The following JAK1 variants were observed in gnomAD, a reference collection of about 807,000 sequenced individuals.
The protein encoded by JAK1 is tyrosine-protein kinase JAK1.
A neutral mutation model predicts 136.6 loss-of-function variants in JAK1; 16 were observed. The ratio of observed to expected loss-of-function variants is 0.12; its 90% CI spans 0.08 to 0.18. JAK1 has a LOEUF of 0.18. Ranked by LOEUF, JAK1 falls within the 10% of genes least tolerant of loss-of-function variation. The pLI, the probability that JAK1 is intolerant of heterozygous loss-of-function variation, is 1.00. For synonymous variants in JAK1, 492 were observed against 519.5 expected, an observed-to-expected ratio of 0.95 and a Z score of 0.72; for missense variants, 859 against 1,450.1, an observed-to-expected ratio of 0.59 and a Z score of 6.62.
chr1:64,916,895 G>A (rs1645406959), intron 1 of JAK1, among the ~76,000 whole-genome samples: 1 of 151,246 alleles, frequency 6.6e-6, no homozygotes, highest in Non-Finnish European at 1.5e-5. Context: ...TTTGAAAATA[G>A]GAGAAAAGAG....
intron 2 of JAK1, among the ~76,000 whole-genome samples, chr1:64,983,444 C>T (rs1449476677): frequency 6.6e-6 from 1 of 152,184 alleles, no homozygotes; most frequent in East Asian, 1.9e-4. Flanking sequence ...CTACAAATTC[C>T]AAGTCAGCTA....
chr1:65,012,873 C>A (rs1376412651), intron 2 of JAK1, among the ~76,000 whole-genome samples: 1 of 151,022 alleles, frequency 6.6e-6, no homozygotes, highest in Non-Finnish European at 1.5e-5. Flanking sequence ...GCAGGCGGAT[C>A]ACGAGGTCAG....
At chr1:64,957,876 A>G (rs567562184) in intron 1 of JAK1, among the ~76,000 whole-genome samples, 1 of 152,256 alleles carries the variant, frequency 6.6e-6, no homozygotes, top group South Asian at 2.1e-4. Context: ...CCCGGGAGGC[A>G]GAGGTTGCAG....
intron 2 of JAK1, among the ~76,000 whole-genome samples, chr1:65,006,580 T>C (rs1646805710): frequency 6.6e-6 from 1 of 152,150 alleles, no homozygotes; most frequent in Non-Finnish European, 1.5e-5. Context: ...TGGCCTCAAA[T>C]AATCCTCCTG....
chr1:64,874,535 G>T (rs1657278334), intron 4 of JAK1, among the ~76,000 whole-genome samples: 2 of 152,016 alleles, frequency 1.3e-5, no homozygotes, highest in Admixed American at 6.6e-5. Flanking sequence ...TGCACAGGGG[G>T]TTGGTGCCCC....
chr1:64,947,743 C>T (rs1370887641), intron 1 of JAK1, among the ~76,000 whole-genome samples: 1 of 151,834 alleles, frequency 6.6e-6, no homozygotes, highest in Non-Finnish European at 1.5e-5. Context: ...ACTTTATCTG[C>T]AGTATCATAT....
chr1:64,843,352 A>G (rs778497680), intron 17 of JAK1, among the ~76,000 whole-genome samples: 2 of 152,138 alleles, frequency 1.3e-5, no homozygotes, highest in Non-Finnish European at 2.9e-5. Context: ...ATGGTCTTTC[A>G]TTGTGATTTT....
At chr1:65,011,656 A>G (rs1646850017) in intron 2 of JAK1, among the ~76,000 whole-genome samples, 1 of 152,184 alleles carries the variant, frequency 6.6e-6, no homozygotes, top group Non-Finnish European at 1.5e-5. Flanking sequence ...ATAAGGAGAC[A>G]TATTTTTTCA....
At chr1:64,908,866 C>T (rs945502551) in intron 1 of JAK1, among the ~76,000 whole-genome samples, 2 of 152,068 alleles carry the variant, frequency 1.3e-5, no homozygotes, top group Non-Finnish European at 2.9e-5. Context: ...AGAAAGCAAG[C>T]GAATACTAAA....
At chr1:64,983,251 C>T (rs891996133) in intron 2 of JAK1, among the ~76,000 whole-genome samples, 1 of 152,132 alleles carries the variant, frequency 6.6e-6, no homozygotes, top group African/African-American at 2.4e-5. Context: ...ATGGGCTACA[C>T]TGCACACTGA....
Position 64,883,529 on chromosome 1 carries a change from T to C in JAK1, c.7-54A>G, listed in dbSNP as rs966760193. ...GGTCACTCTATGTGCTAAAAGTTCT[T>C]ATGGCAAAAGGGAGTGTTCTGAAGG... On this transcript the variant is annotated intron_variant, in intron 2 of 24. Transcript: ENST00000342505. The C allele has an allele frequency of 1.1e-5, 16 of 1,498,932 alleles. No homozygotes were observed. In the Admixed American group the frequency reaches 1.8e-4, roughly 16 times the overall value. 92.9% of individuals were successfully genotyped at this position (1,498,932 alleles called of 1,614,324 possible).
In JAK1 at chr1:64,860,419, CATTTATTTATTT is replaced by C. The variant is rs3051564; in HGVS notation, c.1177-169_1177-158del. Among the ~76,000 whole-genome samples, 149 of 73,864 alleles carry C rather than the reference CATTTATTTATTT, an allele frequency of 2.0e-3. 2 individuals carry two copies. Among genetic ancestry groups the C allele is most frequent in the African/African-American group, 6.7e-3 (56 of 8,374 alleles). The allele number at this position is 73,864 out of a possible 152,430, so 48.5% of individuals were successfully genotyped here. On this transcript the variant is annotated intron_variant, in intron 8 of 24. Coordinates refer to ENST00000342505, the MANE Select transcript of JAK1 (RefSeq NM_002227.4). ...CAATACTAAATATACCCCTTGCATG[CATTTATTTATTT>C]ATTTATTTATTTATTTATTTATTTA...
chr1:64,885,568 A>G (rs1253377256), intron 2 of JAK1, among the ~76,000 whole-genome samples: 4 of 152,100 alleles, frequency 2.6e-5, no homozygotes, highest in Admixed American at 1.3e-4. Context: ...CCTGACCAAC[A>G]TGGTGAAACC....
chr1:64,918,746 T>C (rs1645442230), intron 1 of JAK1: 1 of 162,840 alleles, frequency 6.1e-6, no homozygotes, highest in Non-Finnish European at 1.4e-5. Context: ...AGCTGCACTA[T>C]TTTCCACTTA....
rs766096361 is a variant in JAK1, at chr1:64,837,927, G to A, written c.3140+5C>T. The stretch of plus-strand genomic sequence containing the variant: ...TGATAAAACCTAGTGGTTTGATTCA[G>A]TTACCAAAACACAGGGCTGTCCCGG... On this transcript the variant is annotated splice_donor_5th_base_variant and intron_variant, in intron 22 of 24. Transcript: ENST00000342505. 35 of 1,607,496 alleles carry A rather than the reference G, an allele frequency of 2.2e-5. No homozygotes were observed. Among genetic ancestry groups the A allele is most frequent in the Non-Finnish European group, 2.7e-5 (32 of 1,175,216 alleles).
At chr1:64,924,213 T>C (rs953553433) in intron 1 of JAK1, among the ~76,000 whole-genome samples, 4 of 152,222 alleles carry the variant, frequency 2.6e-5, no homozygotes, top group African/African-American at 9.6e-5. Flanking sequence ...GTATCTTATA[T>C]AGTATATCGT....
intron 1 of JAK1, among the ~76,000 whole-genome samples, chr1:64,954,976 C>A (rs1244788481): frequency 6.6e-6 from 1 of 152,120 alleles, no homozygotes; most frequent in African/African-American, 2.4e-5. Flanking sequence ...TTTATCTAAG[C>A]CACTGGCAGA....
intron 24 of JAK1, 44 bp from the exon 25 acceptor site, chr1:64,834,701 G>T: frequency 7.9e-7 from 1 of 1,260,208 alleles, no homozygotes; most frequent in South Asian, 1.3e-5. Flanking sequence ...GTTAGATCTG[G>T]GAACTTTAAA....
chr1:64,948,681 CAG>C (rs933739928), intron 1 of JAK1, among the ~76,000 whole-genome samples: 7 of 152,296 alleles, frequency 4.6e-5, no homozygotes, highest in Admixed American at 2.6e-4. Context: ...TTAATCATAA[CAG>C]GGGAAAAAAG....
Sources: allele counts gnomAD v4.1 joint callset (sites outside exome capture counted in the v4.1 genomes callset), GRCh38; gene constraint gnomAD v4.1.1; transcripts MANE v1.5; gene names NCBI Gene and HGNC (gene_info 2026-07-23, HGNC 2026-07-21).